Variants in PCNX2 observed in about 807,000 individuals in gnomAD.
PCNX2 encodes the protein pecanex-like protein 2.
In PCNX2, 168 loss-of-function variants were observed where a neutral mutation model predicts 223.8. The ratio of observed to expected loss-of-function variants is 0.75; its 90% CI spans 0.66 to 0.85. The LOEUF (loss-of-function observed/expected upper bound fraction) is 0.85, where lower values mean the gene tolerates loss of function less well. PCNX2 is among the 40% of genes least tolerant of loss of function. The pLI, the probability that PCNX2 is intolerant of heterozygous loss-of-function variation, is 0.00. For missense variants in PCNX2, 2,507 were observed against 2,675.5 expected (o/e 0.94, Z 1.39); for synonymous variants, 1,006 against 1,052.6 (o/e 0.96, Z 0.86).
chr1:233,271,924 T>C (rs553751097), intron 1 of PCNX2, among the ~76,000 whole-genome samples: 3 of 152,340 alleles, frequency 2.0e-5, no homozygotes, highest in African/African-American at 7.2e-5. Context: ...TCCAGATTTG[T>C]TCTTTTTGCT....
intron 25 of PCNX2, among the ~76,000 whole-genome samples, chr1:233,038,994 A>G (rs771526264): frequency 3.3e-5 from 5 of 152,146 alleles, no homozygotes; most frequent in East Asian, 3.9e-4. Context: ...TGTTCATTCT[A>G]TAAGAGCCAT....
At chr1:233,037,387 A>C (rs975021510) in intron 25 of PCNX2, among the ~76,000 whole-genome samples, 2 of 152,152 alleles carry the variant, frequency 1.3e-5, no homozygotes, top group African/African-American at 4.8e-5. Flanking sequence ...GGTGGAGTGC[A>C]CAGGTGCAAT....
At chr1:233,154,527 C>T (rs1677999213) in intron 19 of PCNX2, among the ~76,000 whole-genome samples, 1 of 152,174 alleles carries the variant, frequency 6.6e-6, no homozygotes, top group South Asian at 2.1e-4. Flanking sequence ...CCTTATCAGC[C>T]TATAGAAAAC....
At chr1:233,290,707 A>G in intron 1 of PCNX2, 4 of 959,622 alleles carry the variant, frequency 4.2e-6, no homozygotes, top group Non-Finnish European at 3.7e-6. Flanking sequence ...ATTAATTATA[A>G]TTATAGCAAT....
Position 233,218,170 on chromosome 1 carries a change from T to C in PCNX2, c.2519A>G (p.Lys840Arg). 6.5e-7 allele frequency: 1 copy of C among 1,530,614 alleles called. No homozygotes were observed. The highest frequency in any genetic ancestry group is 8.8e-7 in the Non-Finnish European group (1 of 1,136,406). The allele number at this position is 1,530,614 out of a possible 1,614,324, so 94.8% of individuals were successfully genotyped here. A position where few individuals can be genotyped will look rare whatever the true frequency, so the allele number is the denominator to read the frequency against. ...GAGTAAAATCGCCAGTACATTCTCC[T>C]TGATGTCTTCAGTTCTGTGCAAAAT... ...LALLDRTEDI[K>R]ENVLAILLIV... is the part of the protein sequence containing the mutation. Residue 840 changes from lysine to arginine, a missense_variant, in exon 11 of 34, where the codon AAG (lysine) becomes AGG (arginine). By Grantham distance (26) the Lys-to-Arg change is conservative. Transcript: ENST00000258229.
intron 23 of PCNX2, among the ~76,000 whole-genome samples, chr1:233,083,936 T>C (rs1194965632): frequency 6.6e-6 from 1 of 152,142 alleles, no homozygotes; most frequent in African/African-American, 2.4e-5. Context: ...ACATAATATA[T>C]GTTTAGTTAC....
intron 1 of PCNX2, among the ~76,000 whole-genome samples, chr1:233,279,449 T>C (rs1661078624): frequency 6.6e-6 from 1 of 151,520 alleles, no homozygotes; most frequent in Non-Finnish European, 1.5e-5. Context: ...TGTGTGTGTA[T>C]ATATATATAT....
intron 15 of PCNX2, among the ~76,000 whole-genome samples, chr1:233,195,841 C>T (rs1261120442): frequency 6.6e-6 from 1 of 152,148 alleles, no homozygotes; most frequent in Non-Finnish European, 1.5e-5. Flanking sequence ...GTTAAGATGT[C>T]AGTTCTCCCC....
chr1:233,234,929 G>C (rs778075710), intron 9 of PCNX2, among the ~76,000 whole-genome samples: 18 of 152,022 alleles, frequency 1.2e-4, no homozygotes, highest in African/African-American at 4.3e-4. Flanking sequence ...CACAGACCTT[G>C]TACGGGCTGA....
intron 23 of PCNX2, among the ~76,000 whole-genome samples, chr1:233,080,501 A>G (rs1673308886): frequency 6.6e-6 from 1 of 152,070 alleles, no homozygotes; most frequent in African/African-American, 2.4e-5. Context: ...GCTTATAAAC[A>G]ACAGAAATAT....
rs755012714 is a variant in PCNX2, at chr1:233,179,169, A to T, written c.3073T>A (p.Trp1025Arg). The T allele has an allele frequency of 3.1e-6, 5 of 1,613,750 alleles. No individual in the cohort carries two copies. The highest frequency in any genetic ancestry group is 4.2e-6 in the Non-Finnish European group (5 of 1,179,726). The stretch of plus-strand genomic sequence containing the variant: ...AGTGCCGGGATGTGTTGCATGCTCC[A>T]CGGTTCCTAAAGAAAAGACATCAGT... ...AVCFSAVKEP[W>R]SMQHIPALFS... Residue 1025 changes from tryptophan (W) to arginine (R), a missense_variant, in exon 16 of 34, where the codon TGG becomes AGG. Trp to Arg is a moderately radical substitution (Grantham distance 101, BLOSUM62 -3). Transcript: ENST00000258229.
chr1:233,274,277 T>G (rs1195863705), intron 1 of PCNX2, among the ~76,000 whole-genome samples: 2 of 152,218 alleles, frequency 1.3e-5, no homozygotes, highest in Admixed American at 6.5e-5. Flanking sequence ...TTGGGCCAGA[T>G]AGTTTTTTGC....
chr1:233,043,982 C>T (rs2102862036), intron 25 of PCNX2, among the ~76,000 whole-genome samples: 1 of 151,906 alleles, frequency 6.6e-6, no homozygotes, highest in East Asian at 2.0e-4. Flanking sequence ...GGAATCCCCA[C>T]ACTGACTTCC....
At chr1:233,050,314 G>A (rs375194980) in intron 25 of PCNX2, among the ~76,000 whole-genome samples, 2 of 150,972 alleles carry the variant, frequency 1.3e-5, no homozygotes, top group Non-Finnish European at 2.9e-5. Flanking sequence ...TTTTCACAGA[G>A]CTAGAAAAAA....
At chr1:233,161,073 C>T (rs1234347270) in intron 18 of PCNX2, among the ~76,000 whole-genome samples, 198 bp downstream of exon 18, 1 of 152,166 alleles carries the variant, frequency 6.6e-6, no homozygotes, top group Non-Finnish European at 1.5e-5. Context: ...GCAATCGAAC[C>T]CTATCTGTGA....
intron 23 of PCNX2, chr1:233,087,047 A>G (rs1673640757): frequency 2.0e-6 from 2 of 985,424 alleles, no homozygotes; most frequent in Non-Finnish European, 2.4e-6. Context: ...GCACAGAATC[A>G]GGGAACAGGA....
At chr1:233,191,667 C>T (rs1033107268) in intron 15 of PCNX2, among the ~76,000 whole-genome samples, 37 of 152,192 alleles carry the variant, frequency 2.4e-4, no homozygotes, top group African/African-American at 8.7e-4. Flanking sequence ...TCCAACTCCT[C>T]TCTCCATTTG....
intron 1 of PCNX2, among the ~76,000 whole-genome samples, chr1:233,288,080 T>C (rs981210315): frequency 2.0e-5 from 3 of 152,202 alleles, no homozygotes; most frequent in Admixed American, 6.6e-5. Flanking sequence ...TCCATTTTCT[T>C]CTTGCAGAGG....
intron 8 of PCNX2, among the ~76,000 whole-genome samples, chr1:233,245,707 G>A (rs1333082270): frequency 2.0e-5 from 3 of 152,188 alleles, no homozygotes; most frequent in Non-Finnish European, 1.5e-5. Flanking sequence ...GAGGTGAGGA[G>A]ATTGAGACCA....
Sources: gnomAD v4.1 joint callset for allele counts (sites outside exome capture counted in the v4.1 genomes callset) on GRCh38, gnomAD v4.1.1 for gene constraint, MANE v1.5 for transcripts, NCBI Gene and HGNC (gene_info 2026-07-23, HGNC 2026-07-21) for gene names.